The following ACSS3 variants were observed in gnomAD, a reference collection of about 807,000 sequenced individuals.
The protein encoded by ACSS3 is acyl-CoA synthetase short-chain family member 3, mitochondrial.
A neutral mutation model predicts 84.2 loss-of-function variants in ACSS3; 64 were observed. The ratio of observed to expected loss-of-function variants is 0.76; its 90% CI spans 0.62 to 0.94. The LOEUF is 0.94. ACSS3 is among the 40% of genes least tolerant of loss of function. The pLI is 0.00. For synonymous variants in ACSS3, 317 were observed against 310.1 expected (o/e 1.02, Z -0.23); for missense variants, 815 against 867.6 (o/e 0.94, Z 0.76).
chr12:81,107,521 T>C (rs1207442736), intron 1 of ACSS3, among the ~76,000 whole-genome samples: 36 of 73,690 alleles, frequency 4.9e-4, no homozygotes, highest in African/African-American at 1.8e-3. Flanking sequence ...CATATATATA[T>C]ATATATATAT....
chr12:81,162,725 G>T (rs1019274608), intron 7 of ACSS3, among the ~76,000 whole-genome samples: 1 of 152,072 alleles, frequency 6.6e-6, no homozygotes, highest in South Asian at 2.1e-4. Flanking sequence ...ATGCTGAGGG[G>T]CACCTGCAGG....
intron 1 of ACSS3, among the ~76,000 whole-genome samples, chr12:81,098,151 A>AGTGTGTGTGT (rs1555243703): frequency 2.3e-5 from 3 of 129,272 alleles, no homozygotes; most frequent in Admixed American, 7.9e-5. Context: ...AGAGAGAGAG[A>AGTGTGTGTGT]GTGTGTGTGT....
At chr12:81,189,003 C>T (rs773906670) in intron 8 of ACSS3, among the ~76,000 whole-genome samples, 1 of 152,020 alleles carries the variant, frequency 6.6e-6, no homozygotes, top group Non-Finnish European at 1.5e-5. Flanking sequence ...ATTCCCAAAT[C>T]ATCTTGGAGT....
chr12:81,128,311 C>T (rs1367219054), intron 2 of ACSS3, among the ~76,000 whole-genome samples: 1 of 152,046 alleles, frequency 6.6e-6, no homozygotes, highest in East Asian at 1.9e-4. Flanking sequence ...AATGACAGGA[C>T]ATTTATGTGT....
intron 1 of ACSS3, among the ~76,000 whole-genome samples, chr12:81,093,315 T>G (rs1881794154): frequency 6.6e-6 from 1 of 151,828 alleles, no homozygotes; most frequent in Non-Finnish European, 1.5e-5. Flanking sequence ...TAGACAGGCA[T>G]GGTGGCTCAT....
At chr12:81,157,082 A>G (rs1886913728) in intron 7 of ACSS3, among the ~76,000 whole-genome samples, 1 of 152,210 alleles carries the variant, frequency 6.6e-6, no homozygotes, top group African/African-American at 2.4e-5. Flanking sequence ...ACATATAGAT[A>G]CAAGAATTCT....
intron 2 of ACSS3, among the ~76,000 whole-genome samples, chr12:81,119,992 G>A (rs1036267394): frequency 6.6e-6 from 1 of 152,122 alleles, no homozygotes; most frequent in Non-Finnish European, 1.5e-5. Context: ...GGCTCCAGCT[G>A]GTCCCTCCAT....
At chr12:81,212,635 T>A (rs1466177804) in intron 9 of ACSS3, among the ~76,000 whole-genome samples, 1 of 152,200 alleles carries the variant, frequency 6.6e-6, no homozygotes, top group Non-Finnish European at 1.5e-5. Context: ...GTAGTGGGAA[T>A]AAATGCAATT....
intron 8 of ACSS3, among the ~76,000 whole-genome samples, chr12:81,176,709 G>A (rs1054412808): frequency 2.6e-5 from 4 of 152,098 alleles, no homozygotes; most frequent in South Asian, 4.2e-4. Context: ...AGCCCTGGAC[G>A]AGATGAATTC....
chr12:81,096,253 T>C (rs1032025647), intron 1 of ACSS3, among the ~76,000 whole-genome samples: 3 of 152,296 alleles, frequency 2.0e-5, no homozygotes, highest in Non-Finnish European at 4.4e-5. Context: ...CAGGAGAGAA[T>C]TTGTAAGGAG....
chr12:81,217,679 C>T (rs1410929438), intron 10 of ACSS3, among the ~76,000 whole-genome samples: 1 of 151,920 alleles, frequency 6.6e-6, no homozygotes, highest in African/African-American at 2.4e-5. Context: ...CTCGTCTCTA[C>T]TAAATATACA....
chr12:81,248,270 C>T (rs1186552283), intron 13 of ACSS3, among the ~76,000 whole-genome samples: 1 of 151,998 alleles, frequency 6.6e-6, no homozygotes, highest in African/African-American at 2.4e-5. Context: ...TTTGTTGCAG[C>T]AGTGCTCAAG....
chr12:81,235,452 T>C (rs1483472218), intron 13 of ACSS3, among the ~76,000 whole-genome samples: 1 of 151,332 alleles, frequency 6.6e-6, no homozygotes, highest in Non-Finnish European at 1.5e-5. Context: ...CTTAGTCTTG[T>C]TGTAGCTATA....
intron 8 of ACSS3, among the ~76,000 whole-genome samples, chr12:81,176,866 A>G (rs2030519230): frequency 6.6e-6 from 1 of 152,158 alleles, no homozygotes. Context: ...ATGCAATGAA[A>G]AAAGAACTTT....
intron 2 of ACSS3, among the ~76,000 whole-genome samples, chr12:81,134,121 C>G (rs970276390): frequency 6.6e-6 from 1 of 151,188 alleles, no homozygotes; most frequent in African/African-American, 2.4e-5. Context: ...AGAGGAAAGT[C>G]ATTTTGTATA....
At chr12:81,086,229 A>G (rs1272571609) in intron 1 of ACSS3, among the ~76,000 whole-genome samples, 1 of 151,956 alleles carries the variant, frequency 6.6e-6, no homozygotes, top group Non-Finnish European at 1.5e-5. Context: ...ATTTATTCAT[A>G]GCGTTGTACA....
At chr12:81,235,958 T>G (rs2033617623) in intron 13 of ACSS3, among the ~76,000 whole-genome samples, 2 of 151,428 alleles carry the variant, frequency 1.3e-5, no homozygotes. Context: ...TGAATGCTTT[T>G]TTTGGTCTTT....
At chr12:81,139,961 T>C (rs550905271) in intron 4 of ACSS3, among the ~76,000 whole-genome samples, 1 of 152,278 alleles carries the variant, frequency 6.6e-6, no homozygotes, top group African/African-American at 2.4e-5. Flanking sequence ...CTGGTAACTC[T>C]ATTAACTAGA....
chr12:81,182,575 G>T (rs1324312228), intron 8 of ACSS3, among the ~76,000 whole-genome samples: 3 of 152,128 alleles, frequency 2.0e-5, no homozygotes, highest in Admixed American at 6.6e-5. Flanking sequence ...AATGTAAAAA[G>T]ATGCATATTT....
Sources: allele counts gnomAD v4.1 joint callset (sites outside exome capture counted in the v4.1 genomes callset), GRCh38; gene constraint gnomAD v4.1.1; transcripts MANE v1.5; gene names NCBI Gene and HGNC (gene_info 2026-07-23, HGNC 2026-07-21).